The following SPON1 variants were observed in gnomAD, a reference collection of about 807,000 sequenced individuals.
The protein encoded by SPON1 is spondin 1.
In SPON1, 52 loss-of-function variants were observed where a neutral mutation model predicts 111.7. That is an observed-to-expected ratio of 0.47 (90% CI 0.37 to 0.59). The LOEUF is 0.59. Ranked by LOEUF, SPON1 falls within the 20% of genes least tolerant of loss-of-function variation. The pLI is 0.00. For missense variants in SPON1, 957 were observed against 1,068.5 expected (o/e 0.90, Z 1.46); for synonymous variants, 410 against 395.8 (o/e 1.04, Z -0.43).
At position 14,259,187 on chromosome 11, in the gene SPON1, CTTGATTCCCGCTGGCGGG is replaced by C; in HGVS notation, c.1493-92_1493-75del. The C allele has an allele frequency of 1.4e-6, 2 of 1,413,006 alleles. No individual in the cohort carries two copies. The highest frequency in any genetic ancestry group is 2.8e-5 in the South Asian group (2 of 71,206). 87.5% of individuals were successfully genotyped at this position (1,413,006 alleles called of 1,614,324 possible). A position where few individuals can be genotyped will look rare whatever the true frequency, so the allele number is the denominator to read the frequency against. Reference sequence around the variant, plus strand: ...AGACAACCTCAACTGCCTGACTCCTCTTGATTCCCGCTGGCGGGAAGTTCCCACCGCGCAGCCTGGCAG... The same window carrying C: ...AGACAACCTCAACTGCCTGACTCCTCAAGTTCCCACCGCGCAGCCTGGCAG... On this transcript the variant is annotated intron_variant, in intron 11 of 15. Coordinates refer to ENST00000576479, the MANE Select transcript of SPON1 (RefSeq NM_006108.4). The surrounding 1 kb of genome is among the most constrained non-coding windows in gnomAD (Gnocchi z 5.0).
chr11:14,093,774 A>G (rs1215559262), intron 5 of SPON1, among the ~76,000 whole-genome samples: 3 of 152,226 alleles, frequency 2.0e-5, no homozygotes, highest in Admixed American at 2.0e-4. Context: ...TATGTATATC[A>G]CATTTGAACA....
intron 7 of SPON1, among the ~76,000 whole-genome samples, chr11:14,249,428 C>T (rs1354083377): frequency 6.6e-6 from 1 of 152,224 alleles, no homozygotes; most frequent in Non-Finnish European, 1.5e-5. Context: ...TAGATGCCTC[C>T]TGGTTATAAA....
At chr11:14,264,034 T>TAA (rs113927403) in intron 15 of SPON1, among the ~76,000 whole-genome samples, 15 of 117,710 alleles carry the variant, frequency 1.3e-4, no homozygotes, top group East Asian at 4.7e-4. Context: ...CGTCTCAAAT[T>TAA]AAAAAAAAAA....
At chr11:14,191,022 TA>T (rs1343059939) in intron 6 of SPON1, among the ~76,000 whole-genome samples, 1 of 152,078 alleles carries the variant, frequency 6.6e-6, no homozygotes, top group African/African-American at 2.4e-5. Context: ...ATATAAAGAA[TA>T]AAAAAGAGCA....
intron 6 of SPON1, among the ~76,000 whole-genome samples, chr11:14,138,818 C>T (rs981712995): frequency 6.6e-6 from 1 of 152,194 alleles, no homozygotes; most frequent in Non-Finnish European, 1.5e-5. Context: ...ATGCCCCTTT[C>T]ACTCGGTTAT....
chr11:13,968,679 T>C (rs1554908300), intron 1 of SPON1, among the ~76,000 whole-genome samples: 2 of 152,204 alleles, frequency 1.3e-5, no homozygotes, highest in East Asian at 1.9e-4. Context: ...TCAGCACCGT[T>C]ACAGCCGAGG....
At chr11:14,239,382 T>C (rs1243173537) in intron 6 of SPON1, among the ~76,000 whole-genome samples, 1 of 152,334 alleles carries the variant, frequency 6.6e-6, no homozygotes, top group East Asian at 1.9e-4. Context: ...ATCCTCTTTT[T>C]ACCCTATTTC....
intron 2 of SPON1, among the ~76,000 whole-genome samples, chr11:14,016,657 T>G (rs1175805951): frequency 6.6e-6 from 1 of 152,164 alleles, no homozygotes; most frequent in African/African-American, 2.4e-5. Flanking sequence ...CAAAAAGAAT[T>G]TAGGATAGCT....
intron 6 of SPON1, among the ~76,000 whole-genome samples, chr11:14,164,024 CT>C (rs1310933247): frequency 6.6e-6 from 1 of 152,168 alleles, no homozygotes; most frequent in Non-Finnish European, 1.5e-5. Flanking sequence ...CTGATGGTCA[CT>C]ATTTAGAACT....
In SPON1 at chr11:14,254,700, G is replaced by A. The variant is rs782734593; in HGVS notation, c.1063G>A (p.Ala355Thr). The A allele has an allele frequency of 5.6e-6, 9 of 1,613,942 alleles. No individual in the cohort carries two copies. The highest frequency in any genetic ancestry group is 1.7e-4 in the Middle Eastern group (1 of 6,028). ...GGTGCAAGACCTGATTCCCTGGGACGCTGGCACCGACAGCGGGGTGACCTA... is the reference window on the plus strand; with the variant it reads ...GGTGCAAGACCTGATTCCCTGGGACACTGGCACCGACAGCGGGGTGACCTA... The part of the protein sequence containing the change: ...KVVQDLIPWD[A>T]GTDSGVTYES... The change falls in exon 8 of 16, where the codon GCT (alanine) becomes ACT (threonine). Residue 355 changes from alanine to threonine, a missense_variant. By Grantham distance (58) the Ala-to-Thr change is moderately conservative (BLOSUM62 0). Around this residue, in one of 5 missense-constraint regions of SPON1, gnomAD observed 19 missense variants for 47.5 expected, o/e 0.40. Coordinates refer to ENST00000576479, the MANE Select transcript of SPON1 (RefSeq NM_006108.4).
chr11:14,103,813 G>T (rs1849164125), intron 5 of SPON1, among the ~76,000 whole-genome samples: 1 of 152,062 alleles, frequency 6.6e-6, no homozygotes, highest in Admixed American at 6.5e-5. Flanking sequence ...TCTGCTGTAT[G>T]TTTAATTATG....
chr11:14,127,997 T>C (rs1490128357), intron 5 of SPON1, among the ~76,000 whole-genome samples: 1 of 152,206 alleles, frequency 6.6e-6, no homozygotes, highest in African/African-American at 2.4e-5. Context: ...ATCACCCCCA[T>C]GATCCAATCA....
chr11:14,079,774 T>A (rs555023256), intron 4 of SPON1, 125 bp from the exon 5 acceptor site: 1 of 997,642 alleles, frequency 1.0e-6, no homozygotes, highest in Non-Finnish European at 1.5e-6. Flanking sequence ...CTCTAAGTCT[T>A]ATTAACTAAT....
At chr11:14,222,859 C>T (rs968310089) in intron 6 of SPON1, among the ~76,000 whole-genome samples, 4 of 152,156 alleles carry the variant, frequency 2.6e-5, no homozygotes, top group African/African-American at 4.8e-5. Flanking sequence ...TGCCACTGAA[C>T]GTAGAGGTGG....
chr11:14,043,199 G>A (rs1447713594), intron 3 of SPON1, among the ~76,000 whole-genome samples: 1 of 152,128 alleles, frequency 6.6e-6, no homozygotes, highest in African/African-American at 2.4e-5. Flanking sequence ...GCCATTACTA[G>A]CATTTGGCAG....
intron 2 of SPON1, among the ~76,000 whole-genome samples, chr11:13,993,094 T>G (rs527518777): frequency 1.4e-5 from 2 of 148,050 alleles, no homozygotes; most frequent in Non-Finnish European, 1.5e-5. Flanking sequence ...TTACTTTGCT[T>G]CTTTATGAGT....
intron 1 of SPON1, among the ~76,000 whole-genome samples, chr11:13,964,103 C>G (rs1554907815): frequency 6.6e-6 from 1 of 152,194 alleles, no homozygotes; most frequent in Non-Finnish European, 1.5e-5. Context: ...CTGACTCTGT[C>G]CCCACGCCCG....
intron 13 of SPON1, among the ~76,000 whole-genome samples, chr11:14,260,277 T>G (rs1455781586): frequency 6.6e-6 from 1 of 152,232 alleles, no homozygotes; most frequent in Non-Finnish European, 1.5e-5. Context: ...GGGATGTTTC[T>G]GTCTCTAGGA....
chr11:14,070,008 G>A (rs1848862728), intron 3 of SPON1, among the ~76,000 whole-genome samples: 1 of 152,192 alleles, frequency 6.6e-6, no homozygotes, highest in Admixed American at 6.5e-5. Flanking sequence ...AGATTGGTGA[G>A]TGTGCATCCT....
Sources: allele counts gnomAD v4.1 joint callset (sites outside exome capture counted in the v4.1 genomes callset), GRCh38; gene constraint gnomAD v4.1.1; regional missense constraint gnomAD v4.1.1; non-coding constraint Gnocchi (gnomAD v3.1); transcripts MANE v1.5; gene names NCBI Gene and HGNC (gene_info 2026-07-23, HGNC 2026-07-21).